The following GMDS variants were observed in gnomAD, a reference collection of about 807,000 sequenced individuals.
GMDS encodes the protein GDP-mannose 4,6-dehydratase, also known as GDP-mannose 4,6 dehydratase.
Under a neutral mutation model 49.9 loss-of-function variants are expected in GMDS, and 20 were observed. That is an observed-to-expected ratio of 0.40 (90% confidence interval 0.28 to 0.58). The LOEUF (loss-of-function observed/expected upper bound fraction) is 0.58, where lower values mean the gene tolerates loss of function less well. GMDS is among the 20% of genes least tolerant of loss of function. GMDS has a pLI of 0.42. For synonymous variants in GMDS, 177 were observed against 178.6 expected (o/e 0.99, Z 0.07); for missense variants, 362 against 481.4 (o/e 0.75, Z 2.32).
chr6:2,036,929 CA>C (rs1229077869), intron 4 of GMDS, among the ~76,000 whole-genome samples: 1 of 152,132 alleles, frequency 6.6e-6, no homozygotes, highest in Non-Finnish European at 1.5e-5. Flanking sequence ...AATAAGTGCT[CA>C]GTAGATACAT....
At chr6:2,211,761 A>C (rs1435656079) in intron 1 of GMDS, among the ~76,000 whole-genome samples, 1 of 152,226 alleles carries the variant, frequency 6.6e-6, no homozygotes, top group Non-Finnish European at 1.5e-5. Context: ...AACAGACATT[A>C]GTGAGAATGA....
intron 9 of GMDS, among the ~76,000 whole-genome samples, chr6:1,705,599 T>C (rs1239086475): frequency 6.6e-6 from 1 of 152,174 alleles, no homozygotes; most frequent in African/African-American, 2.4e-5. Context: ...TGTAGGAGAA[T>C]GGGTTTTAAG....
intron 7 of GMDS, among the ~76,000 whole-genome samples, chr6:1,869,404 T>C (rs1758608829): frequency 6.6e-6 from 1 of 152,142 alleles, no homozygotes; most frequent in Non-Finnish European, 1.5e-5. Context: ...GGTGATCTAA[T>C]TTGAGGCCGA....
At chr6:2,178,541 T>G (rs1778385804) in intron 1 of GMDS, among the ~76,000 whole-genome samples, 1 of 152,070 alleles carries the variant, frequency 6.6e-6, no homozygotes, top group African/African-American at 2.4e-5. Context: ...CACCTCCCAG[T>G]AGGCTCTACC....
chr6:1,920,315 G>C (rs1001065166), intron 7 of GMDS, among the ~76,000 whole-genome samples: 29 of 152,200 alleles, frequency 1.9e-4, no homozygotes, highest in African/African-American at 6.0e-4. Context: ...CTCCACCAGA[G>C]CTCTGCAAAG....
intron 7 of GMDS, among the ~76,000 whole-genome samples, chr6:1,920,210 A>T (rs1475086461): frequency 6.6e-6 from 1 of 152,202 alleles, no homozygotes; most frequent in Non-Finnish European, 1.5e-5. Context: ...ACATGCTTGT[A>T]TTAGAGGGTC....
At chr6:2,171,296 C>T (rs938337847) in intron 1 of GMDS, among the ~76,000 whole-genome samples, 2 of 152,140 alleles carry the variant, frequency 1.3e-5, no homozygotes, top group African/African-American at 4.8e-5. Flanking sequence ...AGGACAGAGA[C>T]AGAATGTAAG....
chr6:1,670,108 G>A (rs1764369909), intron 9 of GMDS, among the ~76,000 whole-genome samples: 1 of 151,998 alleles, frequency 6.6e-6, no homozygotes, highest in East Asian at 1.9e-4. Context: ...TCTCCTGGAA[G>A]CCTCAAGTCA....
In GMDS at chr6:2,191,996, T is replaced by C. The variant is rs1779041669; in HGVS notation, c.102+53325A>G. Among the ~76,000 whole-genome samples, 1 of 152,036 alleles carries C rather than the reference T, an allele frequency of 6.6e-6. No individual in the cohort carries two copies. Among genetic ancestry groups the C allele is most frequent in the South Asian group, 2.1e-4 (1 of 4,830 alleles). ...CACACTTCCTCCACTCTGAGGCCCA[T>C]AAAAGCCCCGGGCTCAGCTAGAGCA... is the stretch of plus-strand genomic sequence containing the variant. On this transcript the variant is annotated intron_variant, in intron 1 of 10. Coordinates refer to ENST00000380815, the MANE Select transcript of GMDS (RefSeq NM_001500.4). This position sits in a 1 kb window ranked among gnomAD's most constrained non-coding sequence, Gnocchi z 4.6.
intron 1 of GMDS, among the ~76,000 whole-genome samples, chr6:2,139,198 T>G (rs1345639934): frequency 2.6e-5 from 4 of 152,158 alleles, no homozygotes; most frequent in African/African-American, 9.7e-5. Context: ...CAAAAGCTAT[T>G]GAAATAAAAA....
At chr6:1,892,292 C>G (rs1280256211) in intron 7 of GMDS, among the ~76,000 whole-genome samples, 2 of 152,142 alleles carry the variant, frequency 1.3e-5, no homozygotes, top group Non-Finnish European at 2.9e-5. Flanking sequence ...AATCTGGAAT[C>G]TGCCTGTCTG....
chr6:2,180,427 C>T (rs1011657262), intron 1 of GMDS, among the ~76,000 whole-genome samples: 1 of 152,134 alleles, frequency 6.6e-6, no homozygotes, highest in East Asian at 1.9e-4. Context: ...ATCTTTTCAT[C>T]TTTTGAATGT....
chr6:2,070,212 G>A (rs1581606745), intron 4 of GMDS, among the ~76,000 whole-genome samples: 2 of 145,264 alleles, frequency 1.4e-5, no homozygotes, highest in African/African-American at 5.1e-5. Flanking sequence ...GGTGGCAATT[G>A]AACAATGAGA....
chr6:1,710,590 G>A (rs1293226781), intron 9 of GMDS, among the ~76,000 whole-genome samples: 3 of 150,746 alleles, frequency 2.0e-5, no homozygotes, highest in Non-Finnish European at 3.0e-5. Flanking sequence ...ACACTTTTGA[G>A]GTTCCCCTTG....
At chr6:1,981,345 A>C (rs1057294574) in intron 4 of GMDS, among the ~76,000 whole-genome samples, 5 of 152,214 alleles carry the variant, frequency 3.3e-5, no homozygotes, top group Non-Finnish European at 7.4e-5. Flanking sequence ...AGAAATGATA[A>C]GGGGGATATC....
chr6:2,106,481 T>C (rs1434850926), intron 4 of GMDS, among the ~76,000 whole-genome samples: 1 of 152,098 alleles, frequency 6.6e-6, no homozygotes, highest in Non-Finnish European at 1.5e-5. Context: ...CATACAAATT[T>C]TGGGGGCGGG....
At chr6:1,922,936 G>C (rs1211401898) in intron 7 of GMDS, among the ~76,000 whole-genome samples, 1 of 152,206 alleles carries the variant, frequency 6.6e-6, no homozygotes, top group Non-Finnish European at 1.5e-5. Context: ...GACCTGGTGG[G>C]AGATAACTGA....
At chr6:1,968,095 C>T (rs1764369602) in intron 4 of GMDS, among the ~76,000 whole-genome samples, 1 of 152,040 alleles carries the variant, frequency 6.6e-6, no homozygotes, top group African/African-American at 2.4e-5. Flanking sequence ...TCACTGAAGC[C>T]CTTTTACCCC....
chr6:1,685,874 C>G (rs17830412), intron 9 of GMDS, among the ~76,000 whole-genome samples: 19,465 of 152,204 alleles, frequency 0.13, 1,689 homozygotes, highest in Non-Finnish European at 0.18. Flanking sequence ...CTAACAATTG[C>G]AAAAATCTTC....
Sources: allele counts gnomAD v4.1 joint callset (sites outside exome capture counted in the v4.1 genomes callset), GRCh38; gene constraint gnomAD v4.1.1; non-coding constraint Gnocchi (gnomAD v3.1); transcripts MANE v1.5; gene names NCBI Gene and HGNC (gene_info 2026-07-23, HGNC 2026-07-21).